USP12: variants seen among roughly 807,000 people sequenced by gnomAD.
The protein encoded by USP12 is ubiquitin carboxyl-terminal hydrolase 12.
In USP12, 19 loss-of-function variants were observed where a neutral mutation model predicts 45.5. That is an observed-to-expected ratio of 0.42 (90% confidence interval 0.29 to 0.61). The LOEUF (loss-of-function observed/expected upper bound fraction) is 0.61, where lower values mean the gene tolerates loss of function less well. Among genes scored for constraint, USP12 ranks in the 20% least tolerant of loss-of-function variants. The probability of loss-of-function intolerance (pLI) is 0.22; values close to 1 mark genes in which losing one functional copy is unlikely to be tolerated. For missense variants in USP12, 242 were observed against 447.7 expected (o/e 0.54, Z 4.15); for synonymous variants, 149 against 148.8 (o/e 1.00, Z -0.01).
At chr13:27,150,392 A>C (rs200417741) in intron 1 of USP12, among the ~76,000 whole-genome samples, 1 of 152,232 alleles carries the variant, frequency 6.6e-6, no homozygotes, top group East Asian at 1.9e-4. Context: ...AAAACATTTC[A>C]GAGTTTCAAA....
intron 4 of USP12, among the ~76,000 whole-genome samples, chr13:27,091,794 C>G (rs1363903715): frequency 1.3e-5 from 2 of 152,158 alleles, no homozygotes; most frequent in African/African-American, 4.8e-5. Flanking sequence ...GAAAAGGAAC[C>G]CTCATAGAGA....
At chr13:27,103,058 T>G (rs140508923) in intron 3 of USP12, among the ~76,000 whole-genome samples, 2 of 152,344 alleles carry the variant, frequency 1.3e-5, no homozygotes, top group Non-Finnish European at 2.9e-5. Flanking sequence ...AAATCAGTTC[T>G]TTCCAGGACC....
intron 1 of USP12, among the ~76,000 whole-genome samples, chr13:27,120,664 T>A (rs1287382467): frequency 1.3e-5 from 2 of 151,510 alleles, no homozygotes; most frequent in African/African-American, 4.8e-5. Context: ...TTCATAGGTA[T>A]CAGAATTAAT....
At chr13:27,075,471 G>A in intron 6 of USP12, 83 bp from the exon 7 acceptor site, 1 of 1,242,136 alleles carries the variant, frequency 8.1e-7, no homozygotes, top group Non-Finnish European at 1.1e-6. Context: ...GATATCCAAT[G>A]AACAGATAGA....
chr13:27,096,720 G>A (rs1333343371), intron 3 of USP12, among the ~76,000 whole-genome samples: 2 of 152,122 alleles, frequency 1.3e-5, no homozygotes, highest in African/African-American at 4.8e-5. Flanking sequence ...CACACACAAA[G>A]TAATGCCCAG....
In USP12 at chr13:27,105,824, A is replaced by G; in HGVS notation, c.250T>C (p.Leu84=). The stretch of plus-strand genomic sequence containing the variant: ...GCTATGCTATGGAAGAGATCTGCTA[A>G]GCATGTAAGAAGGCTCTCCTTTTTC... ...PRKKESLLTC[L]ADLFHSIATQ... is the part of the protein sequence containing the mutation. Residue 84 remains leucine (L), a synonymous_variant, in exon 3 of 9, where the codon TTA becomes CTA. Transcript: ENST00000282344. 1 of 1,613,904 alleles carries G rather than the reference A, an allele frequency of 6.2e-7. No homozygotes were observed. Among genetic ancestry groups the G allele is most frequent in the Non-Finnish European group, 8.5e-7 (1 of 1,179,830 alleles).
rs1163221946 is a variant in USP12 at position 27,100,531 on chromosome 13, C to T, written c.344-4701G>A. On this transcript the variant is annotated intron_variant, in intron 3 of 8. Coordinates refer to ENST00000282344, the MANE Select transcript of USP12 (RefSeq NM_182488.4). The stretch of plus-strand genomic sequence containing the variant: ...TCCCTCCTCCTCATCCACTGATGGC[C>T]TGATTCAGTTTCTCTCTCCACTTTG... 3.9e-5 allele frequency among the ~76,000 whole-genome samples: 6 copies of T among 152,332 alleles called. No homozygotes were observed. The South Asian group carries it at 1.0e-3, about 26-fold the overall frequency.
At chr13:27,096,202 A>G (rs1874574089) in intron 3 of USP12, among the ~76,000 whole-genome samples, 1 of 152,216 alleles carries the variant, frequency 6.6e-6, no homozygotes, top group Non-Finnish European at 1.5e-5. Context: ...CCATTTGCCA[A>G]TGCCAAGCCA....
At chr13:27,135,660 T>C (rs575801015) in intron 1 of USP12, among the ~76,000 whole-genome samples, 33 of 152,080 alleles carry the variant, frequency 2.2e-4, no homozygotes, top group Non-Finnish European at 3.7e-4. Flanking sequence ...GGTTGCAGTA[T>C]GCCGAGATTG....
At chr13:27,167,056 T>A (rs1389417135) in intron 1 of USP12, among the ~76,000 whole-genome samples, 1 of 152,096 alleles carries the variant, frequency 6.6e-6, no homozygotes, top group African/African-American at 2.4e-5. Flanking sequence ...AAATAAAATA[T>A]GCTCTGGCCA....
intron 1 of USP12, among the ~76,000 whole-genome samples, chr13:27,166,113 A>G: frequency 6.6e-6 from 1 of 152,172 alleles, no homozygotes; most frequent in East Asian, 1.9e-4. Flanking sequence ...CGAAGTTTTA[A>G]GAAACTTTCC....
At chr13:27,141,563 C>T (rs1465932563) in intron 1 of USP12, among the ~76,000 whole-genome samples, 1 of 152,054 alleles carries the variant, frequency 6.6e-6, no homozygotes, top group Non-Finnish European at 1.5e-5. Context: ...GACAAACAAA[C>T]ACAGGAGCCA....
At chr13:27,094,951 C>A (rs1254627303) in intron 4 of USP12, among the ~76,000 whole-genome samples, 1 of 147,522 alleles carries the variant, frequency 6.8e-6, no homozygotes, top group African/African-American at 2.5e-5. Context: ...AGTTCAAGAC[C>A]AGCCTGAGCA....
At chr13:27,090,184 A>AT (rs770621293) in intron 4 of USP12, 26 bp from the exon 5 acceptor site, 5 of 1,547,890 alleles carry the variant, frequency 3.2e-6, no homozygotes, top group African/African-American at 2.7e-5. Context: ...ATTGTCTTTG[A>AT]TTTTTTCAAA....
intron 1 of USP12, chr13:27,117,616 C>CGTGTGTGTGT (rs60533914): frequency 3.9e-5 from 11 of 284,602 alleles, no homozygotes; most frequent in Middle Eastern, 1.0e-3. Context: ...AAAACACCAA[C>CGTGTGTGTGT]GTGTGTGTGT....
chr13:27,075,137 C>T, intron 7 of USP12, 54 bp downstream of exon 7: 1 of 1,563,810 alleles, frequency 6.4e-7, no homozygotes, highest in Non-Finnish European at 8.8e-7. Context: ...CTTGAATGTA[C>T]CCTGCTCTTC....
At chr13:27,073,829 C>T (rs547096305) in intron 7 of USP12, among the ~76,000 whole-genome samples, 1 of 152,248 alleles carries the variant, frequency 6.6e-6, no homozygotes, top group East Asian at 1.9e-4. Flanking sequence ...GAAGGCTTTT[C>T]AGGAAGCTAT....
At chr13:27,097,753 T>C (rs1229302621) in intron 3 of USP12, among the ~76,000 whole-genome samples, 1 of 152,196 alleles carries the variant, frequency 6.6e-6, no homozygotes, top group Non-Finnish European at 1.5e-5. Flanking sequence ...CAATAGGTTT[T>C]GTATTCTGTT....
intron 1 of USP12, among the ~76,000 whole-genome samples, chr13:27,121,678 G>A (rs943539504): frequency 3.3e-5 from 5 of 151,768 alleles, no homozygotes; most frequent in African/African-American, 9.7e-5. Context: ...TGGCTAACAC[G>A]GTGAAACCCC....
Sources: allele counts gnomAD v4.1 joint callset (sites outside exome capture counted in the v4.1 genomes callset), GRCh38; gene constraint gnomAD v4.1.1; transcripts MANE v1.5; gene names NCBI Gene and HGNC (gene_info 2026-07-23, HGNC 2026-07-21).